ADAMTSL2: variants seen among roughly 807,000 people sequenced by gnomAD.
ADAMTSL2 encodes the protein ADAMTS-like protein 2.
A neutral mutation model predicts 117.0 loss-of-function variants in ADAMTSL2; 55 were observed. The ratio of observed to expected loss-of-function variants is 0.47; its 90% CI spans 0.38 to 0.59. The LOEUF (loss-of-function observed/expected upper bound fraction) is 0.59. Among genes scored for constraint, ADAMTSL2 ranks in the 20% least tolerant of loss-of-function variants. The pLI is 0.00. For synonymous variants in ADAMTSL2, 572 were observed against 566.4 expected (o/e 1.01, Z -0.14); for missense variants, 1,182 against 1,354.5 (o/e 0.87, Z 2.00).
In ADAMTSL2 at chr9:133,544,376, A is replaced by T. The variant is rs1199613463; in HGVS notation, c.683-94A>T. ...GGGTTGGGCCAGCCCTTAGACAGCC[A>T]CCGCTCACCCTCCAATAGCTGTGGA... On this transcript the variant is annotated intron_variant, in intron 7 of 18. Coordinates refer to ENST00000651351, the MANE Select transcript of ADAMTSL2 (RefSeq NM_014694.4). 2.8e-6 allele frequency: 3 copies of T among 1,064,098 alleles called. No homozygotes were observed. In the African/African-American group the frequency reaches 4.7e-5, roughly 17 times the overall value. The allele number at this position is 1,064,098 out of a possible 1,614,324, so 65.9% of individuals were successfully genotyped here.
Position 133,539,360 on chromosome 9 carries a change from T to C in ADAMTSL2, c.310-411T>C, listed in dbSNP as rs1021478909. Reference sequence around the variant, plus strand: ...ACCACGATCTTCCTGATTTACGCAGTGTGCATGGCCACGGACCGTGTGCCA... The same window carrying C: ...ACCACGATCTTCCTGATTTACGCAGCGTGCATGGCCACGGACCGTGTGCCA... On this transcript the variant is annotated intron_variant, in intron 4 of 18. Transcript: ENST00000651351. Among the ~76,000 whole-genome samples the C allele has an allele frequency of 2.0e-5, 3 of 152,308 alleles. No individual in the cohort carries two copies. In the South Asian group the frequency reaches 6.2e-4, roughly 32 times the overall value.
chr9:133,543,954 G>T (rs370209108), intron 7 of ADAMTSL2, among the ~76,000 whole-genome samples: 3 of 152,380 alleles, frequency 2.0e-5, no homozygotes, highest in South Asian at 4.1e-4. Context: ...TCAGCCTGGG[G>T]CCTGGTGCTT....
In ADAMTSL2 at chr9:133,538,364, G is replaced by T. The variant is rs539727283; in HGVS notation, c.249G>T (p.Pro83=). ...HCLQQRRKSV[P]GPGNRTCTGT... is the part of the protein sequence containing the mutation. ...TTTCTGCCAGGAGGAAGTCCGTCCCGGGCCCCGGGAACAGGACCTGCACGG... is the reference window on the plus strand; with the variant it reads ...TTTCTGCCAGGAGGAAGTCCGTCCCTGGCCCCGGGAACAGGACCTGCACGG... Residue 83 remains proline (P), a synonymous_variant, in exon 4 of 19, where the codon CCG becomes CCT. Transcript: ENST00000651351. The T allele has an allele frequency of 4.3e-6, 7 of 1,613,252 alleles. No homozygotes were observed. The South Asian group carries it at 7.7e-5, about 18-fold the overall frequency.
upstream of ADAMTSL2, chr9:133,534,468 G>A (rs1829999623): frequency 2.8e-6 from 1 of 362,964 alleles, no homozygotes; most frequent in Non-Finnish European, 4.8e-6. Context: ...CCCGACATGT[G>A]GCCCCCAGTT....
intron 4 of ADAMTSL2, 117 bp from the exon 5 acceptor site, chr9:133,539,654 C>CGGCTGTCCCGGCTGTCCA: frequency 2.4e-6 from 2 of 833,746 alleles, no homozygotes; most frequent in Non-Finnish European, 3.5e-6. Context: ...GGCCCCCGCA[C>CGGCTGTCCCGGCTGTCCA]GGCTGTCCCG....
Position 133,572,958 on chromosome 9 carries a change from C to A in ADAMTSL2, c.2593-885C>A, listed in dbSNP as rs1042722155. 2.6e-5 allele frequency among the ~76,000 whole-genome samples: 4 copies of A among 152,244 alleles called. No individual in the cohort carries two copies. The East Asian group carries it at 7.7e-4, about 29-fold the overall frequency. On this transcript the variant is annotated intron_variant, in intron 17 of 18. Coordinates refer to ENST00000651351, the MANE Select transcript of ADAMTSL2 (RefSeq NM_014694.4). ...CCCTGCCAAAGGCTGATTGTCCTCA[C>A]GCCGTCAGCGCCAAGCCAGCCTCTC...
At chr9:133,534,543 C>G (rs895166751), upstream of ADAMTSL2, 4 of 819,150 alleles carry the variant, frequency 4.9e-6, no homozygotes, top group Non-Finnish European at 6.6e-6. Context: ...CAGCAGCCAA[C>G]AGGCAGCTGG....
chr9:133,575,170 G>A lies in ADAMTSL2; in HGVS notation c.*306G>A, dbSNP rs1446804016. The A allele has an allele frequency of 1.2e-5, 5 of 430,864 alleles. No homozygotes were observed. The highest frequency in any genetic ancestry group is 6.0e-5 in the African/African-American group (3 of 49,844). 26.7% of individuals were successfully genotyped at this position (430,864 alleles called of 1,614,324 possible). On this transcript the variant is annotated 3_prime_UTR_variant, in exon 19 of 19. Transcript: ENST00000651351. Reference sequence around the variant, plus strand: ...CCCAGCCCCCCAGCAGCCCCCAGCCGAGGGGCCCAGGGCCCACAGCCAGCG... The same window carrying A: ...CCCAGCCCCCCAGCAGCCCCCAGCCAAGGGGCCCAGGGCCCACAGCCAGCG...
At chr9:133,538,495 C>T (rs1830109956) in intron 4 of ADAMTSL2, 71 bp downstream of exon 4, 7 of 1,552,906 alleles carry the variant, frequency 4.5e-6, no homozygotes, top group African/African-American at 1.4e-5. Context: ...AGGGGGTCTT[C>T]CAGGTGGCTC....
rs368650021 is a variant in ADAMTSL2 at position 133,555,292 on chromosome 9, C to CG, written c.1277-258dup. ...CAAAGAAGATCACACTCTGAGGTTC[C>CG]GGGGGGGGCCATGAATTTTGGGGGG... On this transcript the variant is annotated intron_variant, in intron 10 of 18. Coordinates refer to ENST00000651351, the MANE Select transcript of ADAMTSL2 (RefSeq NM_014694.4). 8.1e-3 allele frequency among the ~76,000 whole-genome samples: 1,142 copies of CG among 140,906 alleles called. 15 individuals are homozygous for CG. Among genetic ancestry groups the CG allele is most frequent in the African/African-American group, 0.025 (950 of 37,322 alleles). 92.4% of individuals were successfully genotyped at this position (140,906 alleles called of 152,430 possible).
In ADAMTSL2 at chr9:133,568,486, G is replaced by C; in HGVS notation, c.2088G>C (p.Glu696Asp). ...AGTGGGAGATGTCGGAGTGGTCCGA[G>C]GTGAGTGCCTGCGGGAGCAAGCCGG... ...GPQWEMSEWS[E>D]CTAKCGERSV... Residue 696 changes from glutamate to aspartate, a missense_variant and splice_region_variant, in exon 14 of 19, where the codon GAG becomes GAC. By Grantham distance (45) the Glu-to-Asp change is conservative. Around this residue, in one of 3 missense-constraint regions of ADAMTSL2, gnomAD observed 465 missense variants for 565.3 expected, o/e 0.82. Transcript: ENST00000651351. 6.2e-7 allele frequency: 1 copy of C among 1,601,112 alleles called. No individual in the cohort carries two copies.
Position 133,554,206 on chromosome 9 carries a change from G to C in ADAMTSL2, c.940-151G>C, listed in dbSNP as rs147007407. 16 of 724,956 alleles carry C rather than the reference G, an allele frequency of 2.2e-5. No homozygotes were observed. Among genetic ancestry groups the C allele is most frequent in the Non-Finnish European group, 3.3e-5 (15 of 450,598 alleles). The allele number at this position is 724,956 out of a possible 1,614,324, so 44.9% of individuals were successfully genotyped here. On this transcript the variant is annotated intron_variant, in intron 9 of 18. Transcript: ENST00000651351. This position sits in a 1 kb window ranked among gnomAD's most constrained non-coding sequence, Gnocchi z 5.2. The stretch of plus-strand genomic sequence containing the variant: ...GATGCCCCTGGGGCAGGAGCACTGC[G>C]TTGGGCTGGGCTAGTCAGTGTCATT...
intron 9 of ADAMTSL2, among the ~76,000 whole-genome samples, chr9:133,552,786 G>C (rs1215050323): frequency 6.6e-6 from 1 of 152,172 alleles, no homozygotes; most frequent in East Asian, 1.9e-4. Flanking sequence ...GAACTATCGA[G>C]TTAAATGCGG....
intron 12 of ADAMTSL2, among the ~76,000 whole-genome samples, chr9:133,563,721 G>GT (rs1306761407): frequency 6.6e-6 from 1 of 151,612 alleles, no homozygotes; most frequent in Non-Finnish European, 1.5e-5. Context: ...AGAAAGACAG[G>GT]TTTTGGCTTT....
At position 133,570,518 on chromosome 9, in the gene ADAMTSL2, A is replaced by G; in HGVS notation, c.2592+11A>G. 1 of 1,608,828 alleles carries G rather than the reference A, an allele frequency of 6.2e-7. No homozygotes were observed. Among genetic ancestry groups the G allele is most frequent in the Non-Finnish European group, 8.5e-7 (1 of 1,178,292 alleles). Reference sequence around the variant, plus strand: ...AGCCCCTGGTCAGAGGTGAGCTCCCAGCCGGCCCCTCTGAGGTTGCCTGAG... The same window carrying G: ...AGCCCCTGGTCAGAGGTGAGCTCCCGGCCGGCCCCTCTGAGGTTGCCTGAG... On this transcript the variant is annotated intron_variant, in intron 17 of 18. Transcript: ENST00000651351.
Position 133,536,673 on chromosome 9 carries a change from C to T in ADAMTSL2, c.-40C>T, listed in dbSNP as rs778765212. On this transcript the variant is annotated 5_prime_UTR_variant, in exon 2 of 19. Coordinates refer to ENST00000651351, the MANE Select transcript of ADAMTSL2 (RefSeq NM_014694.4). ...GTACCCTGGTCATCTGGAAGAGGAT[C>T]GGAGCTGGCCTGGTGGTGACAGTGG... 38 of 1,614,042 alleles carry T rather than the reference C, an allele frequency of 2.4e-5. 1 individual carries two copies. The highest frequency in any genetic ancestry group is 1.3e-4 in the South Asian group (12 of 91,092).
chr9:133,572,445 G>A (rs898636808), intron 17 of ADAMTSL2, among the ~76,000 whole-genome samples: 13 of 152,280 alleles, frequency 8.5e-5, no homozygotes, highest in South Asian at 8.3e-4. Context: ...GGCTAAGCCC[G>A]GTGGGAGGGA....
At chr9:133,553,072 C>G (rs1830523269) in intron 9 of ADAMTSL2, among the ~76,000 whole-genome samples, 1 of 152,120 alleles carries the variant, frequency 6.6e-6, no homozygotes, top group Non-Finnish European at 1.5e-5. Context: ...GGCAGGCCAG[C>G]TCCTGTGGGA....
chr9:133,555,521 G>C, intron 10 of ADAMTSL2, 37 bp from the exon 11 acceptor site: 1 of 1,612,730 alleles, frequency 6.2e-7, no homozygotes, highest in Non-Finnish European at 8.5e-7. Flanking sequence ...CCAGGGCTCG[G>C]ATGTGCCCAC....
Sources: gnomAD v4.1 joint callset for allele counts (sites outside exome capture counted in the v4.1 genomes callset) on GRCh38, gnomAD v4.1.1 for gene constraint, gnomAD v4.1.1 regional missense constraint, Gnocchi (gnomAD v3.1) non-coding constraint, MANE v1.5 for transcripts, NCBI Gene and HGNC (gene_info 2026-07-23, HGNC 2026-07-21) for gene names.